The following SLC35F3 variants were observed in gnomAD, a reference collection of about 807,000 sequenced individuals.
The protein encoded by SLC35F3 is putative thiamine transporter SLC35F3.
A neutral mutation model predicts 49.9 loss-of-function variants in SLC35F3; 25 were observed. The observed-to-expected ratio is 0.50, with a 90% CI of 0.37 to 0.70. SLC35F3 has a LOEUF of 0.70. Ranked by LOEUF, SLC35F3 falls within the 30% of genes least tolerant of loss-of-function variation. The pLI, the probability that SLC35F3 is intolerant of heterozygous loss-of-function variation, is 0.00. For missense variants in SLC35F3, 525 were observed against 639.8 expected, an observed-to-expected ratio of 0.82 and a Z score of 1.94; for synonymous variants, 275 against 265.4, an observed-to-expected ratio of 1.04 and a Z score of -0.35.
chr1:234,291,618 C>T (rs528350562), intron 3 of SLC35F3, among the ~76,000 whole-genome samples: 79 of 152,214 alleles, frequency 5.2e-4, no homozygotes, highest in African/African-American at 1.9e-3. Flanking sequence ...TTTTAAGAGG[C>T]AGGTCTCACT....
chr1:233,999,505 TG>T (rs1663516287), intron 2 of SLC35F3, among the ~76,000 whole-genome samples: 2 of 152,172 alleles, frequency 1.3e-5, no homozygotes, highest in South Asian at 4.1e-4. Context: ...CTGTTCCGTG[TG>T]GGGATTCTGC....
In SLC35F3 at chr1:233,966,016, G is replaced by A. The variant is rs1012505979; in HGVS notation, c.283+60258G>A. 4.6e-5 allele frequency among the ~76,000 whole-genome samples: 7 copies of A among 152,260 alleles called. No individual in the cohort carries two copies. The East Asian group carries it at 1.4e-3, about 29-fold the overall frequency. ...TCCATGGTCTGGGGCTTGGCTGTGGGCAGGAGAGATGACCCAGAGTCAAGA... is the reference window on the plus strand; with the variant it reads ...TCCATGGTCTGGGGCTTGGCTGTGGACAGGAGAGATGACCCAGAGTCAAGA... On this transcript the variant is annotated intron_variant, in intron 2 of 7. Coordinates refer to ENST00000366618, the MANE Select transcript of SLC35F3 (RefSeq NM_173508.4).
In SLC35F3 at chr1:234,214,585, G is replaced by A. The variant is rs1250744735; in HGVS notation, c.284-16832G>A. 2 of 1,531,332 alleles carry A rather than the reference G, an allele frequency of 1.3e-6. No homozygotes were observed. The highest frequency in any genetic ancestry group is 8.8e-7 in the Non-Finnish European group (1 of 1,140,130). 94.9% of individuals were successfully genotyped at this position (1,531,332 alleles called of 1,614,324 possible). A position where few individuals can be genotyped will look rare whatever the true frequency, so the allele number is the denominator to read the frequency against. On this transcript the variant is annotated intron_variant, in intron 2 of 7. Transcript: ENST00000366618. The surrounding 1 kb of genome is among the most constrained non-coding windows in gnomAD (Gnocchi z 8.0). The stretch of plus-strand genomic sequence containing the variant: ...TTACCAAAGTGGAAGGTAATGCGCG[G>A]CCGCCTCGCCCCGGGGGTCCCTGCA...
intron 3 of SLC35F3, among the ~76,000 whole-genome samples, chr1:234,235,877 A>G (rs536679730): frequency 1.2e-4 from 19 of 152,296 alleles, no homozygotes; most frequent in African/African-American, 4.6e-4. Context: ...CGCAGGAACC[A>G]TATCGGGTCT....
At chr1:233,977,670 G>C (rs78841454) in intron 2 of SLC35F3, among the ~76,000 whole-genome samples, 3,710 of 152,190 alleles carry the variant, frequency 0.024, 110 homozygotes, top group East Asian at 0.17. Context: ...GAAACATTTT[G>C]GCCACTTGCT....
At chr1:233,924,181 CT>C (rs764203134) in intron 2 of SLC35F3, among the ~76,000 whole-genome samples, 9 of 152,156 alleles carry the variant, frequency 5.9e-5, no homozygotes, top group Non-Finnish European at 1.2e-4. Context: ...GGAAAATTCC[CT>C]TTTTTTCTGT....
At chr1:234,289,161 C>A (rs1027238550) in intron 3 of SLC35F3, among the ~76,000 whole-genome samples, 1 of 152,116 alleles carries the variant, frequency 6.6e-6, no homozygotes, top group African/African-American at 2.4e-5. Flanking sequence ...AGAGGATCAC[C>A]CCCCTGGGGT....
chr1:234,201,912 CAAAAAAAAAAA>C (rs11361148), intron 2 of SLC35F3, among the ~76,000 whole-genome samples: 2 of 111,926 alleles, frequency 1.8e-5, no homozygotes, highest in Non-Finnish European at 3.7e-5. Flanking sequence ...GACTTCTTCT[CAAAAAAAAAAA>C]AAAAAAAAGA....
At chr1:234,271,279 G>A (rs561756305) in intron 3 of SLC35F3, among the ~76,000 whole-genome samples, 4 of 152,280 alleles carry the variant, frequency 2.6e-5, no homozygotes, top group African/African-American at 7.2e-5. Flanking sequence ...GAGGGTCCGA[G>A]AAGGCACAAG....
intron 2 of SLC35F3, among the ~76,000 whole-genome samples, chr1:233,923,820 T>G (rs1662108622): frequency 6.6e-6 from 1 of 152,210 alleles, no homozygotes; most frequent in African/African-American, 2.4e-5. Flanking sequence ...ATACATTCCA[T>G]CGACACCTAG....
At chr1:233,998,382 G>A (rs1049749455) in intron 2 of SLC35F3, among the ~76,000 whole-genome samples, 4 of 151,224 alleles carry the variant, frequency 2.6e-5, no homozygotes, top group East Asian at 3.9e-4. Flanking sequence ...AAACTCTTTC[G>A]GGGCAAAAAT....
intron 2 of SLC35F3, among the ~76,000 whole-genome samples, chr1:233,909,637 G>T (rs1661842178): frequency 6.6e-6 from 1 of 152,186 alleles, no homozygotes; most frequent in Admixed American, 6.5e-5. Context: ...TTTGGCCCAG[G>T]GTTTCTTGAT....
At chr1:233,955,603 G>A (rs1404792410) in intron 2 of SLC35F3, among the ~76,000 whole-genome samples, 1 of 152,014 alleles carries the variant, frequency 6.6e-6, no homozygotes. Flanking sequence ...CTGCCCCCCT[G>A]TCTTGCTGCT....
chr1:234,038,717 A>T (rs1160914958), intron 2 of SLC35F3, among the ~76,000 whole-genome samples: 1 of 152,216 alleles, frequency 6.6e-6, no homozygotes, highest in Non-Finnish European at 1.5e-5. Flanking sequence ...TAGGGAACTG[A>T]TAAGCCAAAT....
intron 2 of SLC35F3, among the ~76,000 whole-genome samples, chr1:233,992,455 T>C (rs1475596958): frequency 6.6e-6 from 1 of 152,150 alleles, no homozygotes; most frequent in African/African-American, 2.4e-5. Flanking sequence ...TGGACACATG[T>C]CAAGGGTGGA....
At chr1:234,274,034 A>G (rs1668157515) in intron 3 of SLC35F3, 1 of 152,198 alleles carries the variant, frequency 6.6e-6, no homozygotes, top group East Asian at 1.9e-4. Context: ...TAAAAGGAAA[A>G]ACAGATACAA....
At chr1:234,073,673 A>T (rs1664752892) in intron 2 of SLC35F3, among the ~76,000 whole-genome samples, 1 of 152,188 alleles carries the variant, frequency 6.6e-6, no homozygotes, top group Admixed American at 6.5e-5. Flanking sequence ...ACTTCCTCCG[A>T]CATGATAAAT....
intron 2 of SLC35F3, among the ~76,000 whole-genome samples, chr1:233,980,454 G>A (rs1285720156): frequency 6.6e-6 from 1 of 152,178 alleles, no homozygotes; most frequent in East Asian, 1.9e-4. Flanking sequence ...CAAGGCCTGT[G>A]TCTCCCCAGC....
At chr1:234,289,823 A>T (rs1248359226) in intron 3 of SLC35F3, among the ~76,000 whole-genome samples, 1 of 152,270 alleles carries the variant, frequency 6.6e-6, no homozygotes, top group East Asian at 1.9e-4. Flanking sequence ...ACTAAAAGTG[A>T]TCCCAAAGTC....
Sources: gnomAD v4.1 joint callset for allele counts (sites outside exome capture counted in the v4.1 genomes callset) on GRCh38, gnomAD v4.1.1 for gene constraint, Gnocchi (gnomAD v3.1) non-coding constraint, MANE v1.5 for transcripts, NCBI Gene and HGNC (gene_info 2026-07-23, HGNC 2026-07-21) for gene names.